Variants in ACSF2 observed in about 807,000 individuals in gnomAD.
The protein encoded by ACSF2 is acyl-CoA synthetase family member 2, also known as medium-chain acyl-CoA ligase ACSF2, mitochondrial.
A neutral mutation model predicts 79.3 loss-of-function variants in ACSF2; 52 were observed. The observed-to-expected ratio is 0.66, with a 90% CI of 0.53 to 0.83. ACSF2 has a LOEUF of 0.83. ACSF2 is among the 40% of genes least tolerant of loss of function. The pLI is 0.00. For synonymous variants in ACSF2, 283 were observed against 312.6 expected (o/e 0.91, Z 1.00); for missense variants, 661 against 803.3 (o/e 0.82, Z 2.14).
chr17:50,458,862 T>C (rs1040430547), intron 1 of ACSF2, among the ~76,000 whole-genome samples: 40 of 152,204 alleles, frequency 2.6e-4, no homozygotes, highest in Non-Finnish European at 1.9e-4. Flanking sequence ...TGGGCTGGGA[T>C]TCCCCCCACA....
chr17:50,468,287 A>G (rs1347480471), intron 10 of ACSF2: 1 of 1,613,288 alleles, frequency 6.2e-7, no homozygotes. Flanking sequence ...CGACAGGTAG[A>G]GCCAGCGCAG....
At position 50,473,874 on chromosome 17, in the gene ACSF2, T is replaced by C. The variant is rs1269863810; in HGVS notation, c.1618-20T>C. 1 of 1,605,180 alleles carries C rather than the reference T, an allele frequency of 6.2e-7. No homozygotes were observed. Among genetic ancestry groups the C allele is most frequent in the Non-Finnish European group, 8.5e-7 (1 of 1,173,158 alleles). ...CACATGAACACGGTGATGTCTGATA[T>C]TTTTCTTTGGCCCTGGAAGGTGGTG... On this transcript the variant is annotated intron_variant, in intron 13 of 15. Coordinates refer to ENST00000300441, the MANE Select transcript of ACSF2 (RefSeq NM_025149.6).
chr17:50,466,007 G>T, intron 10 of ACSF2: 1 of 782,372 alleles, frequency 1.3e-6, no homozygotes, highest in Non-Finnish European at 2.1e-6. Context: ...TTTCAAAGCA[G>T]TATGACCAAG....
intron 1 of ACSF2, among the ~76,000 whole-genome samples, chr17:50,458,983 CT>C (rs1455743891): frequency 1.3e-5 from 2 of 152,242 alleles, no homozygotes; most frequent in African/African-American, 4.8e-5. Flanking sequence ...AGGACTGTGG[CT>C]TGTTCTATCT....
intron 10 of ACSF2, chr17:50,468,112 G>C: frequency 1.2e-6 from 2 of 1,614,076 alleles, no homozygotes; most frequent in Non-Finnish European, 1.7e-6. Context: ...CATTGTCCGG[G>C]ATGCTTTTCA....
intron 10 of ACSF2, chr17:50,464,560 G>A: frequency 1.6e-6 from 1 of 616,834 alleles, no homozygotes; most frequent in Non-Finnish European, 3.0e-6. Flanking sequence ...TGGGAAGATG[G>A]ACAGCAAAGC....
Position 50,465,280 on chromosome 17 carries a change from T to A in ACSF2, c.1215+986T>A. 3 of 1,613,890 alleles carry A rather than the reference T, an allele frequency of 1.9e-6. No homozygotes were observed. The East Asian group carries it at 6.7e-5, about 36-fold the overall frequency. On this transcript the variant is annotated intron_variant, in intron 10 of 15. Transcript: ENST00000300441. ...CAAAGAGGGACATAGGGGACCTGTT[T>A]ACCTGGCCCCCACCTGTTTAATGGC... is the stretch of plus-strand genomic sequence containing the variant.
intron 1 of ACSF2, among the ~76,000 whole-genome samples, chr17:50,430,219 C>G (rs1567834459): frequency 2.6e-5 from 4 of 152,128 alleles, no homozygotes; most frequent in Non-Finnish European, 5.9e-5. Context: ...TGGCTATGAT[C>G]ATATAAGACT....
intron 1 of ACSF2, among the ~76,000 whole-genome samples, chr17:50,428,305 C>A (rs1224324041): frequency 6.6e-6 from 1 of 151,466 alleles, no homozygotes; most frequent in East Asian, 1.9e-4. Context: ...CATGGTGAAA[C>A]CCCGTTTCTA....
chr17:50,458,125 C>T (rs2032121444), intron 1 of ACSF2, among the ~76,000 whole-genome samples: 1 of 152,138 alleles, frequency 6.6e-6, no homozygotes, highest in African/African-American at 2.4e-5. Context: ...TCTGATGTCC[C>T]TGGAGGGACA....
Position 50,462,272 on chromosome 17 carries a change from A to C in ACSF2, c.596A>C (p.Asn199Thr). The C allele has an allele frequency of 6.2e-7, 1 of 1,614,068 alleles. No individual in the cohort carries two copies. Among genetic ancestry groups the C allele is most frequent in the Non-Finnish European group, 8.5e-7 (1 of 1,179,992 alleles). ...VLKQICPEVE[N>T]AQPGALKSQR... is the part of the protein sequence containing the mutation. ...AAGCAGATCTGTCCAGAAGTGGAGAATGCCCAGCCAGGGGCCTTGAAGAGT... is the reference window on the plus strand; with the variant it reads ...AAGCAGATCTGTCCAGAAGTGGAGACTGCCCAGCCAGGGGCCTTGAAGAGT... The change falls in exon 5 of 16, where the codon AAT becomes ACT. Residue 199 changes from asparagine (N) to threonine (T), a missense_variant. Physicochemically the swap from Asn to Thr is moderately conservative, Grantham distance 65 (BLOSUM62 0). Transcript: ENST00000300441.
chr17:50,439,422 C>T (rs1050700382), intron 1 of ACSF2, among the ~76,000 whole-genome samples: 5 of 151,988 alleles, frequency 3.3e-5, no homozygotes, highest in African/African-American at 1.2e-4. Flanking sequence ...TAGTTCTTTT[C>T]TTCTTTCATA....
intron 2 of ACSF2, 93 bp downstream of exon 2, chr17:50,460,965 G>T: frequency 7.1e-7 from 1 of 1,407,834 alleles, no homozygotes. Flanking sequence ...ACCTGGCTAT[G>T]GGGCAATGTG....
intron 10 of ACSF2, chr17:50,464,563 A>G (rs1379978892): frequency 1.6e-6 from 1 of 610,054 alleles, no homozygotes; most frequent in Non-Finnish European, 3.1e-6. Flanking sequence ...GAAGATGGAC[A>G]GCAAAGCACC....
intron 10 of ACSF2, among the ~76,000 whole-genome samples, chr17:50,466,258 T>C (rs8080319): frequency 0.6 from 91,463 of 151,298 alleles, 29,249 homozygotes; most frequent in African/African-American, 0.8. Context: ...GGCTAATTTT[T>C]TTGTATTTTT....
In ACSF2 at chr17:50,460,642, T is replaced by C. The variant is rs1276842347; in HGVS notation, c.129-35T>C. The C allele has an allele frequency of 2.5e-6, 4 of 1,583,070 alleles. No homozygotes were observed. In the African/African-American group the frequency reaches 5.4e-5, roughly 21 times the overall value. ...GCCCTTGGTTCCAGGGAGACTGATC[T>C]GGGACAGTCAAACCCATAGCTCCTC... On this transcript the variant is annotated intron_variant, in intron 1 of 15. Coordinates refer to ENST00000300441, the MANE Select transcript of ACSF2 (RefSeq NM_025149.6).
chr17:50,450,307 C>G (rs1000857951), intron 1 of ACSF2: 2 of 152,266 alleles, frequency 1.3e-5, no homozygotes, highest in Non-Finnish European at 2.9e-5. Context: ...TGAGACCAGC[C>G]TGGCCAACAT....
At position 50,438,753 on chromosome 17, in the gene ACSF2, CAT is replaced by C. The variant is rs937607598; in HGVS notation, c.128+12365_128+12366del. On this transcript the variant is annotated intron_variant, in intron 1 of 15. Transcript: ENST00000300441. ...GGCTAATTTTTGGATTTTTAGTAGA[CAT>C]GGGGTTTCACCATATTGGCCGGGCT... 1.2e-3 allele frequency among the ~76,000 whole-genome samples: 184 copies of C among 151,892 alleles called. 1 individual carries two copies. Among genetic ancestry groups the C allele is most frequent in the African/African-American group, 4.3e-3 (178 of 41,438 alleles).
intron 1 of ACSF2, among the ~76,000 whole-genome samples, chr17:50,443,089 T>C (rs1399819500): frequency 1.2e-4 from 19 of 152,120 alleles, no homozygotes; most frequent in Non-Finnish European, 2.6e-4. Context: ...TTTGTATTTT[T>C]AGTACAGACA....
Sources: allele counts gnomAD v4.1 joint callset (sites outside exome capture counted in the v4.1 genomes callset), GRCh38; gene constraint gnomAD v4.1.1; transcripts MANE v1.5; gene names NCBI Gene and HGNC (gene_info 2026-07-23, HGNC 2026-07-21).